The following CDH13 variants were observed in gnomAD, a reference collection of about 807,000 sequenced individuals.
CDH13 encodes the protein cadherin-13.
CDH13 carries 24 observed loss-of-function variants against 63.8 expected under a neutral mutation model. The observed-to-expected ratio is 0.38, with a 90% CI of 0.27 to 0.53. The LOEUF (loss-of-function observed/expected upper bound fraction) is 0.53. CDH13 is among the 20% of genes least tolerant of loss of function. The pLI, the probability that CDH13 is intolerant of heterozygous loss-of-function variation, is 0.85. For synonymous variants in CDH13, 503 were observed against 355.3 expected, an observed-to-expected ratio of 1.42 and a Z score of -4.67; for missense variants, 1,049 against 903.1, an observed-to-expected ratio of 1.16 and a Z score of -2.07.
At chr16:83,214,718 T>C (rs7185257) in intron 4 of CDH13, among the ~76,000 whole-genome samples, 15,387 of 151,942 alleles carry the variant, frequency 0.1, 2,609 homozygotes, top group African/African-American at 0.35. Flanking sequence ...TTAACTGAGC[T>C]CCTTCTGTGT....
At chr16:82,820,370 A>G (rs772391200) in intron 1 of CDH13, among the ~76,000 whole-genome samples, 12 of 152,318 alleles carry the variant, frequency 7.9e-5, no homozygotes, top group Non-Finnish European at 1.5e-4. Context: ...TAAATGCTTC[A>G]TGGATATTAG....
In CDH13 at chr16:83,171,633, T is replaced by A; in HGVS notation, c.484-45712T>A. 7.6e-6 allele frequency: 10 copies of A among 1,315,742 alleles called. No homozygotes were observed. In the South Asian group the frequency reaches 1.3e-4, roughly 17 times the overall value. 81.5% of individuals were successfully genotyped at this position (1,315,742 alleles called of 1,614,324 possible). On this transcript the variant is annotated intron_variant, in intron 4 of 13. Transcript: ENST00000567109. The stretch of plus-strand genomic sequence containing the variant: ...TTCATTTCCTTGTTTGTGTCTCCAA[T>A]TTCCTATATGCCATCAGGGGATTTA...
intron 7 of CDH13, among the ~76,000 whole-genome samples, chr16:83,545,553 G>T (rs1280731116): frequency 6.6e-6 from 1 of 152,146 alleles, no homozygotes; most frequent in Non-Finnish European, 1.5e-5. Context: ...ACCTGCCCCA[G>T]CCTCCAGTCC....
chr16:83,030,181 C>T (rs1031745552), intron 2 of CDH13, among the ~76,000 whole-genome samples: 1 of 152,144 alleles, frequency 6.6e-6, no homozygotes, highest in Non-Finnish European at 1.5e-5. Flanking sequence ...AGGAACTTTG[C>T]TCACATCTGT....
intron 4 of CDH13, among the ~76,000 whole-genome samples, chr16:83,160,374 G>C (rs1049255781): frequency 2.0e-5 from 3 of 152,062 alleles, no homozygotes; most frequent in African/African-American, 7.2e-5. Context: ...AAATAAGTTT[G>C]ATGAACTTGG....
intron 5 of CDH13, among the ~76,000 whole-genome samples, chr16:83,282,125 C>T (rs2089193298): frequency 6.6e-6 from 1 of 152,120 alleles, no homozygotes; most frequent in Non-Finnish European, 1.5e-5. Context: ...TTGCAGCAGT[C>T]AGAGCATACA....
At chr16:83,756,399 T>A (rs1428497302) in intron 11 of CDH13, among the ~76,000 whole-genome samples, 4 of 152,208 alleles carry the variant, frequency 2.6e-5, no homozygotes, top group Non-Finnish European at 5.9e-5. Context: ...AAATATACCT[T>A]GATAGTACAG....
At chr16:83,171,451 T>C in intron 4 of CDH13, 1 of 1,296,918 alleles carries the variant, frequency 7.7e-7, no homozygotes, top group Admixed American at 2.0e-5. Flanking sequence ...CCAAACCATA[T>C]CAAAAGCTTT....
chr16:82,901,836 G>A (rs1361226192), intron 2 of CDH13, among the ~76,000 whole-genome samples: 2 of 152,196 alleles, frequency 1.3e-5, no homozygotes, highest in Admixed American at 6.5e-5. Context: ...TCCAGTGAGG[G>A]TTTCGTTAAA....
intron 7 of CDH13, among the ~76,000 whole-genome samples, chr16:83,517,162 A>G (rs1004608789): frequency 5.3e-5 from 8 of 152,208 alleles, no homozygotes; most frequent in Non-Finnish European, 7.3e-5. Flanking sequence ...CAACAGGGTG[A>G]CTGTAAGAGG....
chr16:83,702,682 A>G (rs1906425044), intron 10 of CDH13, among the ~76,000 whole-genome samples: 1 of 152,176 alleles, frequency 6.6e-6, no homozygotes. Context: ...GTCGGTGGCC[A>G]TGTGCCTTGG....
intron 10 of CDH13, among the ~76,000 whole-genome samples, chr16:83,694,290 G>A (rs571593997): frequency 6.6e-5 from 10 of 152,340 alleles, no homozygotes; most frequent in South Asian, 6.2e-4. Context: ...AGAGCATCCA[G>A]TTTGCTGGAG....
intron 7 of CDH13, among the ~76,000 whole-genome samples, chr16:83,560,699 T>G (rs1200033166): frequency 6.6e-6 from 1 of 152,262 alleles, no homozygotes; most frequent in Non-Finnish European, 1.5e-5. Context: ...TTGATGTTAC[T>G]TAGCTTCTTT....
At chr16:82,649,082 ATAGT>A (rs1009285443) in intron 1 of CDH13, among the ~76,000 whole-genome samples, 1 of 117,112 alleles carries the variant, frequency 8.5e-6, no homozygotes, top group Non-Finnish European at 1.7e-5. Flanking sequence ...TAATATAAAT[ATAGT>A]TAGAGAGTGA....
chr16:83,501,735 C>A (rs986285493), intron 7 of CDH13, among the ~76,000 whole-genome samples: 1 of 152,204 alleles, frequency 6.6e-6, no homozygotes, highest in African/African-American at 2.4e-5. Flanking sequence ...AGCCGCTGCT[C>A]TATCCACTCC....
intron 6 of CDH13, among the ~76,000 whole-genome samples, chr16:83,438,228 A>G (rs906219385): frequency 6.6e-6 from 1 of 152,210 alleles, no homozygotes; most frequent in South Asian, 2.1e-4. Context: ...TGAAACTGGA[A>G]TATTTGGTCT....
chr16:83,482,639 G>T (rs932849322), intron 6 of CDH13, among the ~76,000 whole-genome samples: 21 of 152,354 alleles, frequency 1.4e-4, no homozygotes, highest in African/African-American at 4.8e-4. Context: ...GAAGGTACTG[G>T]CAAGAGCCAA....
At chr16:82,774,902 G>A (rs1039168870) in intron 1 of CDH13, among the ~76,000 whole-genome samples, 2 of 152,202 alleles carry the variant, frequency 1.3e-5, no homozygotes, top group Non-Finnish European at 1.5e-5. Context: ...TATAGCTGCA[G>A]CTGAGGAATA....
intron 5 of CDH13, among the ~76,000 whole-genome samples, chr16:83,325,446 C>T (rs914996464): frequency 2.6e-5 from 4 of 152,096 alleles, no homozygotes; most frequent in South Asian, 4.2e-4. Context: ...GGTTGGAAAA[C>T]GTTTTCTGTA....
Sources: gnomAD v4.1 joint callset for allele counts (sites outside exome capture counted in the v4.1 genomes callset) on GRCh38, gnomAD v4.1.1 for gene constraint, MANE v1.5 for transcripts, NCBI Gene and HGNC (gene_info 2026-07-23, HGNC 2026-07-21) for gene names.